ZNF138: variants seen among roughly 807,000 people sequenced by gnomAD.
ZNF138 encodes the protein zinc finger protein 138.
Under a neutral mutation model 33.0 loss-of-function variants are expected in ZNF138, and 33 were observed. The ratio of observed to expected loss-of-function variants is 1.00; its 90% CI spans 0.76 to 1.34. The LOEUF (loss-of-function observed/expected upper bound fraction) is 1.34. ZNF138 is among the 40% of genes most tolerant of loss of function. The pLI is 0.00. For missense variants in ZNF138, 360 were observed against 370.8 expected (o/e 0.97, Z 0.24); for synonymous variants, 139 against 120.4 (o/e 1.15, Z -1.01).
At chr7:64,799,007 T>C (rs1164703155) in intron 1 of ZNF138, among the ~76,000 whole-genome samples, 1 of 152,088 alleles carries the variant, frequency 6.6e-6, no homozygotes, top group Non-Finnish European at 1.5e-5. Context: ...TTCTTTTTGC[T>C]TAGAATTGCC....
At chr7:64,847,350 T>C in the ZNF138 span, among the ~76,000 whole-genome samples, 163 of 130,460 alleles carry the variant, frequency 1.2e-3, no homozygotes, top group African/African-American at 4.5e-3. Context: ...TTTTTTTTTC[T>C]GCAGTTCTTG....
intron 3 of ZNF138, among the ~76,000 whole-genome samples, chr7:64,827,127 A>G (rs1156443672): frequency 6.7e-6 from 1 of 149,722 alleles, no homozygotes; most frequent in African/African-American, 2.5e-5. Flanking sequence ...TTTTTTTAAT[A>G]TGCAGTGTCT....
At chr7:64,836,963 T>C (rs1784845056), downstream of ZNF138, 1 of 152,184 alleles carries the variant, frequency 6.6e-6, no homozygotes, top group Admixed American at 6.5e-5. Context: ...AACTTCATGT[T>C]GGTGAAAGTT....
chr7:64,798,896 G>A (rs1362835055), intron 1 of ZNF138, among the ~76,000 whole-genome samples: 1 of 140,926 alleles, frequency 7.1e-6, no homozygotes, highest in Admixed American at 7.1e-5. Flanking sequence ...CTGTTGCATT[G>A]TTCTATGAGC....
chr7:64,838,366 A>C (rs988406690), downstream of ZNF138, among the ~76,000 whole-genome samples: 1 of 151,898 alleles, frequency 6.6e-6, no homozygotes, highest in African/African-American at 2.4e-5. Flanking sequence ...CACTTGAAAC[A>C]GTTGCAAGGC....
intron 3 of ZNF138, among the ~76,000 whole-genome samples, chr7:64,822,777 A>G (rs1345802114): frequency 6.6e-6 from 1 of 152,162 alleles, no homozygotes; most frequent in African/African-American, 2.4e-5. Flanking sequence ...AAAATTTTAA[A>G]CTATTTCTGT....
chr7:64,832,841 T>A lies in ZNF138; in HGVS notation c.*639T>A. 1 of 439,270 alleles carries A rather than the reference T, an allele frequency of 2.3e-6. No individual in the cohort carries two copies. Among genetic ancestry groups the A allele is most frequent in the South Asian group, 1.8e-5 (1 of 56,416 alleles). 27.2% of individuals were successfully genotyped at this position (439,270 alleles called of 1,614,324 possible). ...ATACTAGAGAGAAACCCTACAAATGTGAAGAATGTGGCATATCTTTTAACC... is the reference window on the plus strand; with the variant it reads ...ATACTAGAGAGAAACCCTACAAATGAGAAGAATGTGGCATATCTTTTAACC... On this transcript the variant is annotated 3_prime_UTR_variant, in exon 4 of 4. Coordinates refer to ENST00000307355, the MANE Select transcript of ZNF138 (RefSeq NM_001271639.2).
At chr7:64,807,550 T>A (rs1787711277) in intron 1 of ZNF138, among the ~76,000 whole-genome samples, 1 of 152,202 alleles carries the variant, frequency 6.6e-6, no homozygotes, top group Non-Finnish European at 1.5e-5. Context: ...TGGTTGTACT[T>A]TGCCTCCTGT....
At chr7:64,857,788 T>C in the ZNF138 span, among the ~76,000 whole-genome samples, 1 of 152,156 alleles carries the variant, frequency 6.6e-6, no homozygotes, top group Non-Finnish European at 1.5e-5. Flanking sequence ...CTTTTCATCA[T>C]CATCGTTAAA....
chr7:64,798,371 CTT>C (rs1410924539), intron 1 of ZNF138, among the ~76,000 whole-genome samples: 1 of 152,178 alleles, frequency 6.6e-6, no homozygotes, highest in African/African-American at 2.4e-5. Flanking sequence ...AGGAGATAAA[CTT>C]AACTATATTT....
At chr7:64,834,254 C>T (rs905009035), downstream of ZNF138, among the ~76,000 whole-genome samples, 3 of 151,850 alleles carry the variant, frequency 2.0e-5, no homozygotes, top group Non-Finnish European at 4.4e-5. Flanking sequence ...TAGAAAACAC[C>T]AGGGGATGCA....
rs368349530 is a variant in ZNF138, at chr7:64,831,673, A to G, written c.431A>G (p.Tyr144Cys). ...AGCAAAATATTTCAATGTAATAAATATGTAAAAGTCATGCATAAATTTTCA... is the reference window on the plus strand; with the variant it reads ...AGCAAAATATTTCAATGTAATAAATGTGTAAAAGTCATGCATAAATTTTCA... ...TTSKIFQCNK[Y>C]VKVMHKFSNS... Residue 144 changes from tyrosine to cysteine, a missense_variant, in exon 4 of 4, where the codon TAT (tyrosine) becomes TGT (cysteine). Tyr to Cys is a radical substitution (Grantham distance 194). Transcript: ENST00000307355. The G allele has an allele frequency of 2.8e-5, 45 of 1,608,730 alleles. No homozygotes were observed. Among genetic ancestry groups the G allele is most frequent in the Non-Finnish European group, 3.7e-5 (44 of 1,178,178 alleles).
intron 3 of ZNF138, among the ~76,000 whole-genome samples, chr7:64,827,525 T>G (rs1395912727): frequency 2.0e-5 from 3 of 152,220 alleles, no homozygotes; most frequent in Admixed American, 6.5e-5. Flanking sequence ...ATTAACCATG[T>G]AACATTTTTT....
rs150580017 is a variant in ZNF138, at chr7:64,832,893, A to G, written c.*691A>G. 36 of 390,458 alleles carry G rather than the reference A, an allele frequency of 9.2e-5. No individual in the cohort carries two copies. Among genetic ancestry groups the G allele is most frequent in the African/African-American group, 6.6e-4 (32 of 48,412 alleles). 24.2% of individuals were successfully genotyped at this position (390,458 alleles called of 1,614,324 possible). A position where few individuals can be genotyped will look rare whatever the true frequency, so the allele number is the denominator to read the frequency against. On this transcript the variant is annotated 3_prime_UTR_variant, in exon 4 of 4. Coordinates refer to ENST00000307355, the MANE Select transcript of ZNF138 (RefSeq NM_001271639.2). ...GTTCTCACAACTTGCTATACATAAG[A>G]TGATTCACACTTGAATGAAACCCTA... is the stretch of plus-strand genomic sequence containing the variant.
chr7:64,816,351 T>A (rs1788633443), intron 3 of ZNF138, among the ~76,000 whole-genome samples: 1 of 152,030 alleles, frequency 6.6e-6, no homozygotes, highest in South Asian at 2.1e-4. Context: ...TATTTTTAAA[T>A]TTATTTGTAT....
chr7:64,859,988 T>G, the ZNF138 span, among the ~76,000 whole-genome samples: 5 of 152,238 alleles, frequency 3.3e-5, no homozygotes, highest in East Asian at 9.7e-4. Context: ...AATACAAAAA[T>G]TAGCCAGGCA....
chr7:64,812,271 G>C (rs1472024695), intron 1 of ZNF138, among the ~76,000 whole-genome samples: 4 of 151,278 alleles, frequency 2.6e-5, no homozygotes, highest in Non-Finnish European at 5.9e-5. Context: ...TGATTCTCCT[G>C]CTTCAGCCTT....
chr7:64,807,139 G>C (rs1408741066), intron 1 of ZNF138, among the ~76,000 whole-genome samples: 1 of 152,202 alleles, frequency 6.6e-6, no homozygotes, highest in East Asian at 1.9e-4. Context: ...GATATCTATA[G>C]AAACAATGCT....
chr7:64,832,028 G>C lies in ZNF138; in HGVS notation c.786G>C (p.Gln262His). 1.9e-6 allele frequency: 3 copies of C among 1,613,826 alleles called. No individual in the cohort carries two copies. The highest frequency in any genetic ancestry group is 2.5e-6 in the Non-Finnish European group (3 of 1,179,874). ...KCAHCGKAFK[Q>H]SSHLTRHKII... ...CACACTGTGGCAAAGCCTTTAAACA[G>C]TCCTCACACCTTACTAGACATAAGA... is the stretch of plus-strand genomic sequence containing the variant. The change falls in exon 4 of 4, where the codon CAG becomes CAC. Residue 262 changes from glutamine to histidine, a missense_variant. Transcript: ENST00000307355.
Sources: gnomAD v4.1 joint callset for allele counts (sites outside exome capture counted in the v4.1 genomes callset) on GRCh38, gnomAD v4.1.1 for gene constraint, MANE v1.5 for transcripts, NCBI Gene and HGNC (gene_info 2026-07-23, HGNC 2026-07-21) for gene names.